The following ESR1 variants were observed in gnomAD, a reference collection of about 807,000 sequenced individuals.
ESR1 encodes estrogen receptor.
In ESR1, 12 loss-of-function variants were observed where a neutral mutation model predicts 52.7. That is an observed-to-expected ratio of 0.23 (90% CI 0.15 to 0.37). The LOEUF (loss-of-function observed/expected upper bound fraction) is 0.37, where lower values mean the gene tolerates loss of function less well. Among genes scored for constraint, ESR1 ranks in the 10% least tolerant of loss-of-function variants. The pLI is 1.00. For missense variants in ESR1, 584 were observed against 779.7 expected (o/e 0.75, Z 2.99); for synonymous variants, 305 against 316.8 (o/e 0.96, Z 0.39).
At chr6:151,677,474 A>T (rs1279871753) in intron 1 of ESR1, among the ~76,000 whole-genome samples, 1 of 152,210 alleles carries the variant, frequency 6.6e-6, no homozygotes. Context: ...AGAGCCTTTT[A>T]TTAGTGAGGC....
chr6:151,688,814 C>T (rs1778787744), upstream of ESR1, among the ~76,000 whole-genome samples: 1 of 152,044 alleles, frequency 6.6e-6, no homozygotes, highest in African/African-American at 2.4e-5. Context: ...TATGTAAATA[C>T]TATGTGATTT....
intron 4 of ESR1, among the ~76,000 whole-genome samples, chr6:151,953,560 A>C (rs56689583): frequency 6.6e-6 from 1 of 151,900 alleles, no homozygotes; most frequent in Admixed American, 6.6e-5. Flanking sequence ...GTCTCTACTA[A>C]AAATACAAAA....
At chr6:151,728,617 T>C (rs1782014992) in intron 2 of ESR1, among the ~76,000 whole-genome samples, 1 of 152,208 alleles carries the variant, frequency 6.6e-6, no homozygotes, top group Non-Finnish European at 1.5e-5. Context: ...TTTTGATGTA[T>C]GTATACAACC....
At chr6:151,986,900 A>G (rs1203567879) in intron 4 of ESR1, among the ~76,000 whole-genome samples, 1 of 151,158 alleles carries the variant, frequency 6.6e-6, no homozygotes, top group African/African-American at 2.4e-5. Context: ...TATGTGTGTG[A>G]GCATGTGTGT....
chr6:151,929,106 T>C (rs1221299922), intron 3 of ESR1, among the ~76,000 whole-genome samples: 2 of 152,202 alleles, frequency 1.3e-5, no homozygotes, highest in Non-Finnish European at 2.9e-5. Context: ...CAACTATATC[T>C]GTATTAATTT....
intron 2 of ESR1, among the ~76,000 whole-genome samples, chr6:151,767,096 A>G (rs1429840499): frequency 6.6e-6 from 1 of 152,132 alleles, no homozygotes; most frequent in Non-Finnish European, 1.5e-5. Flanking sequence ...TATTCAGATC[A>G]TTCTTTCATC....
At chr6:152,073,805 C>A (rs939713529) in intron 6 of ESR1, among the ~76,000 whole-genome samples, 1 of 152,288 alleles carries the variant, frequency 6.6e-6, no homozygotes, top group South Asian at 2.1e-4. Context: ...CTAGCGGCCC[C>A]GCCTCAAGCC....
rs547094971 is a variant in ESR1, at chr6:151,659,044, G to C, written n.73+2281G>C. 2.7e-4 allele frequency among the ~76,000 whole-genome samples: 41 copies of C among 152,236 alleles called. 1 individual carries two copies. Among genetic ancestry groups the C allele is most frequent in the African/African-American group, 9.9e-4 (41 of 41,544 alleles). Reference sequence around the variant, plus strand: ...TCGTTTGTTTTTGAGATGGAGTTTCGATCTTGTTGCCCAGGCTGGAGTGCA... The same window carrying C: ...TCGTTTGTTTTTGAGATGGAGTTTCCATCTTGTTGCCCAGGCTGGAGTGCA... On this transcript the variant is annotated intron_variant and non_coding_transcript_variant, in intron 1 of 2. Coordinates refer to the ESR1 transcript ENST00000473497.
At chr6:151,986,940 T>G (rs931322341) in intron 4 of ESR1, among the ~76,000 whole-genome samples, 1 of 152,070 alleles carries the variant, frequency 6.6e-6, no homozygotes, top group South Asian at 2.1e-4. Context: ...CACGTGTGTG[T>G]GTGTGCGCGC....
At chr6:152,021,461 G>C (rs1397656840) in intron 5 of ESR1, among the ~76,000 whole-genome samples, 1 of 152,048 alleles carries the variant, frequency 6.6e-6, no homozygotes, top group Non-Finnish European at 1.5e-5. Flanking sequence ...AATACACCCA[G>C]TGTGTTCTTT....
intron 3 of ESR1, among the ~76,000 whole-genome samples, chr6:151,890,472 A>G (rs1364338309): frequency 2.0e-5 from 3 of 152,184 alleles, no homozygotes; most frequent in Non-Finnish European, 4.4e-5. Flanking sequence ...CTGTTGGATG[A>G]AATATTCTGT....
At chr6:152,075,136 A>C (rs2048635958) in intron 6 of ESR1, among the ~76,000 whole-genome samples, 1 of 152,224 alleles carries the variant, frequency 6.6e-6, no homozygotes, top group Non-Finnish European at 1.5e-5. Context: ...GGATAGGTGC[A>C]CAGGGTAGTG....
At chr6:152,022,052 C>T (rs1469272199) in intron 5 of ESR1, among the ~76,000 whole-genome samples, 1 of 152,128 alleles carries the variant, frequency 6.6e-6, no homozygotes. Context: ...ACTGCATGCT[C>T]AGTATACTCA....
intron 2 of ESR1, among the ~76,000 whole-genome samples, chr6:151,861,314 A>C (rs1031543029): frequency 7.9e-5 from 12 of 152,214 alleles, no homozygotes; most frequent in African/African-American, 2.7e-4. Context: ...TTGCTACCTG[A>C]AAATGGAGTT....
chr6:151,940,456 A>G lies in ESR1; in HGVS notation c.761-3717A>G, dbSNP rs553764402. The stretch of plus-strand genomic sequence containing the variant: ...TCTCTTTCCTCATCTTTCCAGTCGT[A>G]TTTTGTTGTTCCAAAGCCAAAACCT... On this transcript the variant is annotated intron_variant, in intron 3 of 7. Coordinates refer to ENST00000206249, the MANE Select transcript of ESR1 (RefSeq NM_000125.4). 6.6e-5 allele frequency among the ~76,000 whole-genome samples: 10 copies of G among 152,302 alleles called. No homozygotes were observed. The South Asian group carries it at 1.9e-3, about 28-fold the overall frequency.
At chr6:152,095,410 G>T (rs549368375) in intron 7 of ESR1, among the ~76,000 whole-genome samples, 55 of 152,226 alleles carry the variant, frequency 3.6e-4, no homozygotes, top group African/African-American at 1.2e-3. Context: ...CCTCAGCTGG[G>T]CTCACTCACA....
chr6:151,850,231 A>ATTAG (rs1289478585), intron 2 of ESR1, among the ~76,000 whole-genome samples: 4 of 139,202 alleles, frequency 2.9e-5, no homozygotes, highest in Admixed American at 7.8e-5. Context: ...TCCAGGTGTA[A>ATTAG]TTAGTTAAGG....
chr6:151,764,697 T>C (rs536953862), intron 2 of ESR1, among the ~76,000 whole-genome samples: 1 of 152,350 alleles, frequency 6.6e-6, no homozygotes, highest in Admixed American at 6.5e-5. Context: ...TCTACCATTT[T>C]AAGATGTCTA....
chr6:152,039,970 TCC>T (rs2045648173), intron 5 of ESR1, among the ~76,000 whole-genome samples: 1 of 152,138 alleles, frequency 6.6e-6, no homozygotes, highest in Non-Finnish European at 1.5e-5. Flanking sequence ...ATTCCATAAG[TCC>T]ATGGATGGTA....
Sources: gnomAD v4.1 joint callset for allele counts (sites outside exome capture counted in the v4.1 genomes callset) on GRCh38, gnomAD v4.1.1 for gene constraint, MANE v1.5 for transcripts, NCBI Gene and HGNC (gene_info 2026-07-23, HGNC 2026-07-21) for gene names.